CLCNKA: variants seen among roughly 807,000 people sequenced by gnomAD.
CLCNKA encodes the protein chloride voltage-gated channel Ka, also known as chloride channel protein ClC-Ka.
CLCNKA carries 66 observed loss-of-function variants against 83.3 expected under a neutral mutation model. The observed-to-expected ratio is 0.79, with a 90% CI of 0.65 to 0.97. The LOEUF (loss-of-function observed/expected upper bound fraction) is 0.97. Ranked by LOEUF, CLCNKA falls within the 50% of genes least tolerant of loss-of-function variation. The pLI is 0.00. For missense variants in CLCNKA, 806 were observed against 888.7 expected (o/e 0.91, Z 1.18); for synonymous variants, 357 against 370.4 (o/e 0.96, Z 0.42).
At chr1:16,028,608 T>G in intron 10 of CLCNKA, 153 bp from the exon 11 acceptor site, 1 of 935,786 alleles carries the variant, frequency 1.1e-6, no homozygotes, top group Admixed American at 1.9e-5. Flanking sequence ...GGGGGCCATG[T>G]TCCCTGCTCC....
In CLCNKA at chr1:16,022,714, T is replaced by C; in HGVS notation, c.95T>C (p.Ile32Thr). 6.5e-7 allele frequency: 1 copy of C among 1,531,310 alleles called. No homozygotes were observed. Among genetic ancestry groups the C allele is most frequent in the African/African-American group, 1.4e-5 (1 of 73,114 alleles). The allele number at this position is 1,531,310 out of a possible 1,614,324, so 94.9% of individuals were successfully genotyped here. A position where few individuals can be genotyped will look rare whatever the true frequency, so the allele number is the denominator to read the frequency against. ...WGPCPHIRRA[I>T]QGGLEWLKQK... ...CCCTGTCCCCACATCCGCCGAGCCA[T>C]CCAAGGTGAGAGCCAGGTCCTCTTC... Residue 32 changes from isoleucine to threonine, a missense_variant, in exon 2 of 20, where the codon ATC becomes ACC. Transcript: ENST00000331433.
At chr1:16,033,389 C>T in intron 19 of CLCNKA, 133 bp downstream of exon 19, 1 of 1,165,284 alleles carries the variant, frequency 8.6e-7, no homozygotes, top group Non-Finnish European at 1.3e-6. Flanking sequence ...ATGAGTCCCT[C>T]TTTCTGGCCC....
At chr1:16,026,970 T>C in intron 7 of CLCNKA, 195 bp downstream of exon 7, 1 of 715,436 alleles carries the variant, frequency 1.4e-6, no homozygotes, top group Non-Finnish European at 2.4e-6. Context: ...GGTTGGGCGG[T>C]GCTGAGAGGC....
At chr1:16,024,685 A>G in intron 3 of CLCNKA, 78 bp from the exon 4 acceptor site, 1 of 1,593,892 alleles carries the variant, frequency 6.3e-7, no homozygotes, top group Non-Finnish European at 8.6e-7. Context: ...TTTCCTGGTC[A>G]GTAAGTGGGC....
Position 16,033,378 on chromosome 1 carries a change from T to G in CLCNKA, c.2016+122T>G, listed in dbSNP as rs1438946851. 1.0e-4 allele frequency: 120 copies of G among 1,199,570 alleles called. 1 individual carries two copies. Among genetic ancestry groups the G allele is most frequent in the East Asian group, 3.0e-4 (13 of 42,802 alleles). The allele number at this position is 1,199,570 out of a possible 1,614,324, so 74.3% of individuals were successfully genotyped here. A position where few individuals can be genotyped will look rare whatever the true frequency, so the allele number is the denominator to read the frequency against. ...AACCTGGGGGGATTCAGAGGATACT[T>G]ATGAGTCCCTCTTTCTGGCCCAGAT... On this transcript the variant is annotated intron_variant, in intron 19 of 19. Coordinates refer to ENST00000331433, the MANE Select transcript of CLCNKA (RefSeq NM_004070.4).
At chr1:16,032,088 C>G (rs1557457032) in intron 16 of CLCNKA, 115 bp from the exon 17 acceptor site, 12 of 1,205,688 alleles carry the variant, frequency 1.0e-5, no homozygotes, top group Non-Finnish European at 1.5e-5. Flanking sequence ...AAGGCAGTCC[C>G]TGGGCAGCTG....
chr1:16,031,584 T>C (rs1450894293), intron 15 of CLCNKA, 126 bp from the exon 16 acceptor site: 2 of 1,397,788 alleles, frequency 1.4e-6, no homozygotes, highest in Non-Finnish European at 2.0e-6. Context: ...CAGGAACCTC[T>C]CCAGCCCTGC....
rs113490606 is a variant in CLCNKA, at chr1:16,024,748, C to T, written c.230-15C>T. ...AGAGGCTGTGGGTGCCTCCCTGATA[C>T]GCGGCTGTCCCCAGCACACCAGTGG... On this transcript the variant is annotated splice_polypyrimidine_tract_variant and intron_variant, in intron 3 of 19. Coordinates refer to ENST00000331433, the MANE Select transcript of CLCNKA (RefSeq NM_004070.4). The T allele has an allele frequency of 7.7e-3, 12,390 of 1,613,698 alleles. 829 individuals are homozygous for T. In the African/African-American group the frequency reaches 0.14, roughly 19 times the overall value.
At position 16,026,762 on chromosome 1, in the gene CLCNKA, A is replaced by C. The variant is rs371660947; in HGVS notation, c.642A>C (p.Ala214=). The C allele has an allele frequency of 5.8e-5, 94 of 1,613,500 alleles. No individual in the cohort carries two copies. The highest frequency in any genetic ancestry group is 1.8e-4 in the East Asian group (8 of 44,844). Residue 214 remains alanine, a synonymous_variant, in exon 7 of 20, where the codon GCA becomes GCC. Coordinates refer to ENST00000331433, the MANE Select transcript of CLCNKA (RefSeq NM_004070.4). ...AAAVGVATVF[A]APFSGVLFSI... ...CAGTGGGCGTGGCCACAGTCTTTGC[A>C]GCTCCCTTCAGCGGTGAGACCCCCC...
intron 14 of CLCNKA, 106 bp from the exon 15 acceptor site, chr1:16,030,355 C>A (rs1347235938): frequency 3.5e-6 from 5 of 1,415,952 alleles, no homozygotes; most frequent in East Asian, 4.7e-5. Context: ...TGGCCTCTTA[C>A]AATTCCCACC....
chr1:16,031,315 T>A (rs540869642), intron 15 of CLCNKA, among the ~76,000 whole-genome samples: 1 of 152,320 alleles, frequency 6.6e-6, no homozygotes, highest in East Asian at 1.9e-4. Flanking sequence ...ACTTTTATAA[T>A]CAAATGGAAT....
intron 2 of CLCNKA, among the ~76,000 whole-genome samples, chr1:16,023,080 C>T (rs1410404048): frequency 6.6e-6 from 1 of 152,232 alleles, no homozygotes; most frequent in East Asian, 1.9e-4. Flanking sequence ...ACTTGGCACC[C>T]TTCCTTGGAG....
At position 16,033,558 on chromosome 1, in the gene CLCNKA, CT is replaced by C. The variant is rs113049949; in HGVS notation, c.2017-52del. 0.065 allele frequency: 64,938 copies of C among 992,860 alleles called. 4,004 individuals are homozygous for C. The highest frequency in any genetic ancestry group is 0.21 in the African/African-American group (12,411 of 58,664). 61.5% of individuals were successfully genotyped at this position (992,860 alleles called of 1,614,324 possible). A position where few individuals can be genotyped will look rare whatever the true frequency, so the allele number is the denominator to read the frequency against. ...GGGGACTAAAAATGCTGGAGCCCCCCTCACAACCTCCTCTACATCCCCCCCC... is the reference window on the plus strand; with the variant it reads ...GGGGACTAAAAATGCTGGAGCCCCCCCACAACCTCCTCTACATCCCCCCCC... On this transcript the variant is annotated intron_variant, in intron 19 of 19. Transcript: ENST00000331433.
In CLCNKA at chr1:16,032,466, C is replaced by T; in HGVS notation, c.1869C>T (p.Ala623=). ...GHQQCLQDIL[A]RGCPTEPVTL... ...AGCAGTGTCTCCAGGACATCTTGGC[C>T]AGGGGCTGCCCCACGGAACCAGTGA... is the stretch of plus-strand genomic sequence containing the variant. The change falls in exon 18 of 20, where the codon GCC becomes GCT. Residue 623 remains alanine (A), a synonymous_variant. Transcript: ENST00000331433. 1 of 1,613,192 alleles carries T rather than the reference C, an allele frequency of 6.2e-7. No homozygotes were observed. Among genetic ancestry groups the T allele is most frequent in the Non-Finnish European group, 8.5e-7 (1 of 1,179,824 alleles).
rs756677842 is a variant in CLCNKA at position 16,032,310 on chromosome 1, C to T, written c.1845+19C>T. On this transcript the variant is annotated intron_variant, in intron 17 of 19. Transcript: ENST00000331433. ...ACACCAGGTGGTTACTCCTGAGGGG[C>T]GTGGGGATGGGGCGGGGGTGGGTCA... 6.9e-5 allele frequency: 29 copies of T among 417,878 alleles called. No homozygotes were observed. The highest frequency in any genetic ancestry group is 1.1e-4 in the Non-Finnish European group (23 of 205,336). 25.9% of individuals were successfully genotyped at this position (417,878 alleles called of 1,614,324 possible). A position where few individuals can be genotyped will look rare whatever the true frequency, so the allele number is the denominator to read the frequency against.
intron 14 of CLCNKA, 128 bp downstream of exon 14, chr1:16,030,203 G>A: frequency 3.9e-6 from 3 of 771,372 alleles, no homozygotes; most frequent in East Asian, 2.7e-5. Context: ...TACCCCTCAT[G>A]GGGGTCTGTC....
chr1:16,027,615 C>T (rs2022422133), intron 8 of CLCNKA, among the ~76,000 whole-genome samples, 180 bp downstream of exon 8: 1 of 152,046 alleles, frequency 6.6e-6, no homozygotes, highest in Non-Finnish European at 1.5e-5. Flanking sequence ...GAGCCCCTGA[C>T]CTGTGTTGAG....
At position 16,024,325 on chromosome 1, in the gene CLCNKA, G is replaced by A. The variant is rs541191281; in HGVS notation, c.229+397G>A. 1.1e-4 allele frequency among the ~76,000 whole-genome samples: 17 copies of A among 152,344 alleles called. No homozygotes were observed. The East Asian group carries it at 3.3e-3, about 29-fold the overall frequency. On this transcript the variant is annotated intron_variant, in intron 3 of 19. Transcript: ENST00000331433. ...CACCCTGAGGCCTCCCTGGAAGAGGGGGTGTGGGCAGGAAGGGTCTAAGAC... is the reference window on the plus strand; with the variant it reads ...CACCCTGAGGCCTCCCTGGAAGAGGAGGTGTGGGCAGGAAGGGTCTAAGAC...
chr1:16,023,679 A>T (rs2022228739), intron 2 of CLCNKA, 121 bp from the exon 3 acceptor site: 9 of 1,213,352 alleles, frequency 7.4e-6, no homozygotes, highest in Non-Finnish European at 1.1e-5. Flanking sequence ...GGGCCCCCTC[A>T]GGACTACCCC....
Sources: allele counts gnomAD v4.1 joint callset (sites outside exome capture counted in the v4.1 genomes callset), GRCh38; gene constraint gnomAD v4.1.1; transcripts MANE v1.5; gene names NCBI Gene and HGNC (gene_info 2026-07-23, HGNC 2026-07-21).